CSMD1: variants seen among roughly 807,000 people sequenced by gnomAD.
CSMD1 encodes the protein CUB and Sushi multiple domains 1, also known as CUB and sushi domain-containing protein 1.
CSMD1 carries 213 observed loss-of-function variants against 417.5 expected under a neutral mutation model. The observed-to-expected ratio is 0.51, with a 90% CI of 0.46 to 0.57. CSMD1 has a LOEUF of 0.57. Among genes scored for constraint, CSMD1 ranks in the 20% least tolerant of loss-of-function variants. The pLI is 0.00. For synonymous variants in CSMD1, 2,862 were observed against 1,736.8 expected, an observed-to-expected ratio of 1.65 and a Z score of -16.11; for missense variants, 6,923 against 4,529.7, an observed-to-expected ratio of 1.53 and a Z score of -15.17.
intron 3 of CSMD1, among the ~76,000 whole-genome samples, chr8:4,092,240 A>C (rs1425348126): frequency 6.6e-6 from 1 of 152,222 alleles, no homozygotes; most frequent in Admixed American, 6.5e-5. Context: ...AAGGAAGACA[A>C]ACAGGCAAAA....
At chr8:4,591,554 T>C (rs1210910554) in intron 2 of CSMD1, among the ~76,000 whole-genome samples, 1 of 152,154 alleles carries the variant, frequency 6.6e-6, no homozygotes, top group East Asian at 1.9e-4. Context: ...CAGAGAGGAC[T>C]GTAGTGCAGG....
At chr8:3,375,786 A>G (rs1373605757) in intron 18 of CSMD1, among the ~76,000 whole-genome samples, 3 of 152,190 alleles carry the variant, frequency 2.0e-5, no homozygotes, top group Admixed American at 6.5e-5. Flanking sequence ...ATCTCTGCCT[A>G]TGGCCATAGA....
intron 3 of CSMD1, among the ~76,000 whole-genome samples, chr8:4,157,876 C>T (rs1012426769): frequency 6.6e-6 from 1 of 152,122 alleles, no homozygotes; most frequent in African/African-American, 2.4e-5. Context: ...TTGGTCCTAT[C>T]CTCCCCACAG....
intron 12 of CSMD1, among the ~76,000 whole-genome samples, chr8:3,426,002 T>G (rs769527083): frequency 2.0e-5 from 3 of 152,164 alleles, no homozygotes; most frequent in African/African-American, 7.2e-5. Context: ...GCTGGGTCTA[T>G]GTAGAATCAG....
chr8:3,322,320 T>C (rs1410060187), intron 23 of CSMD1, among the ~76,000 whole-genome samples: 1 of 152,190 alleles, frequency 6.6e-6, no homozygotes. Context: ...GTCTGTTACA[T>C]TTTACAGTAT....
chr8:3,944,105 G>A (rs1811071221), intron 5 of CSMD1, among the ~76,000 whole-genome samples: 1 of 152,132 alleles, frequency 6.6e-6, no homozygotes, highest in South Asian at 2.1e-4. Flanking sequence ...TAAAGCAAAT[G>A]TGATAAAATA....
intron 3 of CSMD1, among the ~76,000 whole-genome samples, chr8:4,341,343 G>A (rs752402867): frequency 6.6e-6 from 1 of 152,026 alleles, no homozygotes; most frequent in Non-Finnish European, 1.5e-5. Flanking sequence ...TTTTCACATT[G>A]AATTCTGAGA....
At chr8:4,230,402 C>A (rs920473203) in intron 3 of CSMD1, among the ~76,000 whole-genome samples, 26 of 152,266 alleles carry the variant, frequency 1.7e-4, no homozygotes, top group African/African-American at 6.3e-4. Flanking sequence ...AATAAATGAT[C>A]TTGTATATAA....
At chr8:3,550,206 C>T (rs961600483) in intron 10 of CSMD1, among the ~76,000 whole-genome samples, 1 of 152,304 alleles carries the variant, frequency 6.6e-6, no homozygotes, top group Non-Finnish European at 1.5e-5. Flanking sequence ...AGCCCATCAG[C>T]AGGCATTCCA....
chr8:4,555,827 A>T (rs1450508102), intron 2 of CSMD1, among the ~76,000 whole-genome samples: 1 of 152,184 alleles, frequency 6.6e-6, no homozygotes, highest in Non-Finnish European at 1.5e-5. Context: ...ATATACTTTA[A>T]GCCAGAGTTA....
chr8:4,264,818 C>T (rs1450883350), intron 3 of CSMD1, among the ~76,000 whole-genome samples: 1 of 152,112 alleles, frequency 6.6e-6, no homozygotes, highest in African/African-American at 2.4e-5. Context: ...TGTTGTGCCT[C>T]ATCAATAAAC....
intron 1 of CSMD1, among the ~76,000 whole-genome samples, chr8:4,872,119 T>C (rs1361557656): frequency 6.6e-6 from 1 of 152,150 alleles, no homozygotes; most frequent in Non-Finnish European, 1.5e-5. Flanking sequence ...ATTAACTCAT[T>C]TTATCCTCAC....
chr8:4,236,408 C>A (rs1802066126), intron 3 of CSMD1, among the ~76,000 whole-genome samples: 2 of 152,094 alleles, frequency 1.3e-5, no homozygotes, highest in South Asian at 2.1e-4. Context: ...CCCACTCTAG[C>A]CAGTCAAGAA....
intron 7 of CSMD1, among the ~76,000 whole-genome samples, chr8:3,657,182 A>T (rs1056738194): frequency 6.6e-6 from 1 of 152,204 alleles, no homozygotes; most frequent in Non-Finnish European, 1.5e-5. Context: ...CTACAGGAAG[A>T]TGCTGCAGGA....
Position 4,663,775 on chromosome 8 carries a change from C to T in CSMD1, c.86-26217G>A, listed in dbSNP as rs535023360. ...TTCTTTAAAGTAACGTGAGAATGGA[C>T]TAATGCACTAAGTGCTGTAGCAGAG... On this transcript the variant is annotated intron_variant, in intron 1 of 69. Coordinates refer to ENST00000635120, the MANE Select transcript of CSMD1 (RefSeq NM_033225.6). Among the ~76,000 whole-genome samples the T allele has an allele frequency of 5.9e-5, 9 of 152,276 alleles. No individual in the cohort carries two copies. The South Asian group carries it at 1.7e-3, about 28-fold the overall frequency.
chr8:3,958,486 TC>T (rs1279857592), intron 5 of CSMD1, among the ~76,000 whole-genome samples: 1 of 152,172 alleles, frequency 6.6e-6, no homozygotes, highest in East Asian at 1.9e-4. Flanking sequence ...TTGAAATTGT[TC>T]CTGCTTATCA....
At chr8:3,961,683 C>G (rs893513993) in intron 5 of CSMD1, among the ~76,000 whole-genome samples, 1 of 152,146 alleles carries the variant, frequency 6.6e-6, no homozygotes, top group Non-Finnish European at 1.5e-5. Context: ...TGAAAGCAAA[C>G]TTCAAAAAAG....
chr8:4,926,428 C>G lies in CSMD1; in HGVS notation c.85+67904G>C, dbSNP rs75623162. On this transcript the variant is annotated intron_variant, in intron 1 of 69. Transcript: ENST00000635120. The stretch of plus-strand genomic sequence containing the variant: ...CGCATGTGGCCGTGTAATTCTCTCA[C>G]ACTTAATACTGGCGCTTGCATCTAC... Among the ~76,000 whole-genome samples the G allele has an allele frequency of 8.1e-3, 1,235 of 152,292 alleles. 14 individuals carry two copies. Among genetic ancestry groups the G allele is most frequent in the African/African-American group, 0.028 (1,153 of 41,560 alleles).
intron 26 of CSMD1, among the ~76,000 whole-genome samples, chr8:3,269,190 G>A (rs189190343): frequency 4.6e-5 from 7 of 152,334 alleles, no homozygotes; most frequent in Admixed American, 3.9e-4. Context: ...AGGTGTCCAC[G>A]GGACGGAAAG....
Sources: gnomAD v4.1 joint callset for allele counts (sites outside exome capture counted in the v4.1 genomes callset) on GRCh38, gnomAD v4.1.1 for gene constraint, MANE v1.5 for transcripts, NCBI Gene and HGNC (gene_info 2026-07-23, HGNC 2026-07-21) for gene names.